Variants in PTBP3 observed in about 807,000 individuals in gnomAD.
PTBP3 encodes the protein polypyrimidine tract-binding protein 3.
In PTBP3, 20 loss-of-function variants were observed where a neutral mutation model predicts 58.7. That is an observed-to-expected ratio of 0.34 (90% CI 0.24 to 0.50). The LOEUF (loss-of-function observed/expected upper bound fraction) is 0.50. PTBP3 is among the 20% of genes least tolerant of loss of function. The probability of loss-of-function intolerance (pLI) is 0.98; values close to 1 mark genes in which losing one functional copy is unlikely to be tolerated. For missense variants in PTBP3, 509 were observed against 637.2 expected (o/e 0.80, Z 2.17); for synonymous variants, 185 against 219.8 (o/e 0.84, Z 1.40).
chr9:112,373,578 A>G, the PTBP3 span, among the ~76,000 whole-genome samples: 33 of 152,180 alleles, frequency 2.2e-4, no homozygotes, highest in African/African-American at 6.8e-4. Context: ...ATTAACCATC[A>G]CAAGTCCACC....
chr9:112,262,409 T>G (rs763097358), intron 5 of PTBP3, 26 bp downstream of exon 5: 1 of 1,534,274 alleles, frequency 6.5e-7, no homozygotes, highest in South Asian at 1.3e-5. Flanking sequence ...AACTTAACTT[T>G]CTTAAGGGTA....
At position 112,222,307 on chromosome 9, in the gene PTBP3, C is replaced by T; in HGVS notation, c.*1544G>A. 1 of 975,250 alleles carries T rather than the reference C, an allele frequency of 1.0e-6. No individual in the cohort carries two copies. The highest frequency in any genetic ancestry group is 1.2e-6 in the Non-Finnish European group (1 of 820,318). 60.4% of individuals were successfully genotyped at this position (975,250 alleles called of 1,614,324 possible). On this transcript the variant is annotated 3_prime_UTR_variant, in exon 14 of 14. Transcript: ENST00000374257. ...CACTGAAGCAACATTAAAATGTACT[C>T]TTACATTCAATGAAAAAGAGAGGGA...
chr9:112,377,617 AACC>A, the PTBP3 span, among the ~76,000 whole-genome samples: 16 of 152,196 alleles, frequency 1.1e-4, no homozygotes, highest in Non-Finnish European at 2.1e-4. Flanking sequence ...TGTTGCATAT[AACC>A]AAAACTTAAG....
At chr9:112,363,562 A>AC in the PTBP3 span, among the ~76,000 whole-genome samples, 1 of 81,520 alleles carries the variant, frequency 1.2e-5, no homozygotes, top group East Asian at 3.8e-4. Context: ...ACACACACAA[A>AC]GGCTATTCTT....
At chr9:112,249,844 A>G (rs1350477611) in intron 7 of PTBP3, among the ~76,000 whole-genome samples, 1 of 150,572 alleles carries the variant, frequency 6.6e-6, no homozygotes, top group Non-Finnish European at 1.5e-5. Flanking sequence ...TGCACCAAAT[A>G]TTTCTATCAT....
chr9:112,363,559 CAA>C, the PTBP3 span, among the ~76,000 whole-genome samples: 25 of 98,690 alleles, frequency 2.5e-4, no homozygotes, highest in African/African-American at 8.6e-4. Context: ...CACACACACA[CAA>C]AGGCTATTCT....
the PTBP3 span, among the ~76,000 whole-genome samples, chr9:112,367,602 T>G: frequency 6.6e-6 from 1 of 152,220 alleles, no homozygotes; most frequent in African/African-American, 2.4e-5. Context: ...TCTTTCAACA[T>G]TTTGAATATA....
At chr9:112,286,982 T>G (rs1828148354) in intron 2 of PTBP3, among the ~76,000 whole-genome samples, 1 of 152,154 alleles carries the variant, frequency 6.6e-6, no homozygotes, top group South Asian at 2.1e-4. Flanking sequence ...CTCATTCTAA[T>G]CTTTATTCTT....
chr9:112,306,489 G>C (rs927713130), intron 1 of PTBP3, among the ~76,000 whole-genome samples: 1 of 150,114 alleles, frequency 6.7e-6, no homozygotes, highest in Non-Finnish European at 1.5e-5. Flanking sequence ...CTTAACCTCT[G>C]AATTACCATT....
intron 4 of PTBP3, among the ~76,000 whole-genome samples, chr9:112,265,767 T>C (rs773243201): frequency 1.1e-4 from 17 of 152,064 alleles, no homozygotes; most frequent in Non-Finnish European, 2.1e-4. Flanking sequence ...AGAAAACTAA[T>C]ATATGACAAA....
At chr9:112,333,143 C>A in intron 1 of PTBP3, 6 of 1,244,448 alleles carry the variant, frequency 4.8e-6, no homozygotes, top group Non-Finnish European at 6.1e-6. Flanking sequence ...AGCTGGGCTC[C>A]CCGGACTCGG....
intron 7 of PTBP3, among the ~76,000 whole-genome samples, chr9:112,248,850 A>T (rs1835989285): frequency 6.6e-6 from 1 of 152,168 alleles, no homozygotes; most frequent in Non-Finnish European, 1.5e-5. Flanking sequence ...AAAACAACCA[A>T]ACTATTTATC....
chr9:112,307,064 C>A (rs1361582521), intron 1 of PTBP3, among the ~76,000 whole-genome samples: 1 of 152,076 alleles, frequency 6.6e-6, no homozygotes, highest in Admixed American at 6.6e-5. Flanking sequence ...ATAAAACATG[C>A]CTAAAATAAC....
chr9:112,359,120 C>CCA, the PTBP3 span, among the ~76,000 whole-genome samples: 1 of 152,142 alleles, frequency 6.6e-6, no homozygotes, highest in African/African-American at 2.4e-5. Context: ...CAGGTGTGCG[C>CCA]CACTGCACCT....
rs2148990 is a variant in PTBP3, at chr9:112,308,576, C to A, written c.-51-10660G>T. ...TACGGTTTAAGGGAAGAATGGAAGACAATCAAGCAGAATGAAGACATTTTT... is the reference window on the plus strand; with the variant it reads ...TACGGTTTAAGGGAAGAATGGAAGAAAATCAAGCAGAATGAAGACATTTTT... On this transcript the variant is annotated intron_variant, in intron 1 of 13. Transcript: ENST00000374257. Among the ~76,000 whole-genome samples the A allele has an allele frequency of 1.5e-3, 225 of 151,950 alleles. 1 individual carries two copies. Among genetic ancestry groups the A allele is most frequent in the South Asian group, 4.6e-3 (22 of 4,810 alleles).
upstream of PTBP3, among the ~76,000 whole-genome samples, chr9:112,335,782 T>A (rs1199241198): frequency 1.4e-5 from 2 of 147,308 alleles, no homozygotes; most frequent in African/African-American, 2.4e-5. Context: ...AAAATTAGTC[T>A]GGCTTGGTGG....
intron 1 of PTBP3, among the ~76,000 whole-genome samples, chr9:112,308,239 C>A (rs148068179): frequency 1.3e-3 from 197 of 151,874 alleles, no homozygotes; most frequent in African/African-American, 4.5e-3. Context: ...GTTGTCCAGG[C>A]TGGTCTCAAA....
intron 7 of PTBP3, among the ~76,000 whole-genome samples, chr9:112,237,662 A>G (rs1010206407): frequency 2.0e-5 from 3 of 152,220 alleles, no homozygotes; most frequent in Non-Finnish European, 4.4e-5. Context: ...ACCCTGTGAC[A>G]CTGAGCTTTG....
In PTBP3 at chr9:112,294,031, T is replaced by C. The variant is rs139813472; in HGVS notation, c.34+3801A>G. On this transcript the variant is annotated intron_variant, in intron 2 of 13. Transcript: ENST00000374257. ...TCAAAATACCCCACGACCAAGTTGG[T>C]TTATTCCAGGCATGCAATAATGGGT... 3.9e-5 allele frequency among the ~76,000 whole-genome samples: 6 copies of C among 152,356 alleles called. No homozygotes were observed. In the East Asian group the frequency reaches 5.8e-4, roughly 15 times the overall value.
Sources: gnomAD v4.1 joint callset for allele counts (sites outside exome capture counted in the v4.1 genomes callset) on GRCh38, gnomAD v4.1.1 for gene constraint, MANE v1.5 for transcripts, NCBI Gene and HGNC (gene_info 2026-07-23, HGNC 2026-07-21) for gene names.